SLIT2: variants seen among roughly 807,000 people sequenced by gnomAD.
SLIT2 encodes slit guidance ligand 2.
Under a neutral mutation model 185.7 loss-of-function variants are expected in SLIT2, and 41 were observed. The observed-to-expected ratio is 0.22, with a 90% confidence interval of 0.17 to 0.29. The LOEUF (loss-of-function observed/expected upper bound fraction) is 0.29, where lower values mean the gene tolerates loss of function less well. SLIT2 is among the 10% of genes least tolerant of loss of function. SLIT2 has a pLI of 1.00. For synonymous variants in SLIT2, 693 were observed against 680.2 expected (o/e 1.02, Z -0.29); for missense variants, 1,571 against 1,909.0 (o/e 0.82, Z 3.30).
At chr4:20,387,781 A>G (rs559489213) in intron 4 of SLIT2, among the ~76,000 whole-genome samples, 1 of 152,200 alleles carries the variant, frequency 6.6e-6, no homozygotes, top group South Asian at 2.1e-4. Context: ...CGTATAACTG[A>G]ATTCTGCCAA....
intron 4 of SLIT2, among the ~76,000 whole-genome samples, chr4:20,373,869 G>A (rs758731401): frequency 1.3e-5 from 2 of 152,026 alleles, no homozygotes; most frequent in African/African-American, 2.4e-5. Flanking sequence ...CAAGAAGCAG[G>A]AGTTAGCTTG....
intron 13 of SLIT2, 53 bp from the exon 14 acceptor site, chr4:20,523,961 A>G: frequency 1.2e-6 from 2 of 1,611,730 alleles, no homozygotes; most frequent in Non-Finnish European, 1.7e-6. Flanking sequence ...TGAATGTAAG[A>G]GCTGAGTCCA....
rs772893985 is a variant in SLIT2, at chr4:20,533,731, T to G, written c.1832+16T>G. ...TCAAAACTTTGTAAGTATTTGTACT[T>G]GCATTGCAGTTCTTCTACCAAAGGA... is the stretch of plus-strand genomic sequence containing the variant. On this transcript the variant is annotated intron_variant, in intron 18 of 36. Coordinates refer to ENST00000504154, the MANE Select transcript of SLIT2 (RefSeq NM_004787.4). 6.2e-7 allele frequency: 1 copy of G among 1,602,386 alleles called. No individual in the cohort carries two copies. Among genetic ancestry groups the G allele is most frequent in the Non-Finnish European group, 8.5e-7 (1 of 1,174,446 alleles).
At chr4:20,494,441 C>T (rs1718045925) in intron 9 of SLIT2, among the ~76,000 whole-genome samples, 1 of 152,136 alleles carries the variant, frequency 6.6e-6, no homozygotes. Flanking sequence ...TGACAGTGAA[C>T]TCAATTTGTG....
At chr4:20,371,082 A>C (rs1723533642) in intron 4 of SLIT2, among the ~76,000 whole-genome samples, 1 of 151,996 alleles carries the variant, frequency 6.6e-6, no homozygotes, top group East Asian at 1.9e-4. Context: ...TAGTTGGGTC[A>C]CTTCTTGGGA....
intron 8 of SLIT2, among the ~76,000 whole-genome samples, chr4:20,489,671 C>T (rs1209814105): frequency 6.6e-6 from 1 of 152,164 alleles, no homozygotes; most frequent in Non-Finnish European, 1.5e-5. Context: ...GTAATTCTAG[C>T]TACTTGGGAG....
chr4:20,363,012 A>G (rs1338290821), intron 4 of SLIT2, among the ~76,000 whole-genome samples: 1 of 152,114 alleles, frequency 6.6e-6, no homozygotes, highest in Non-Finnish European at 1.5e-5. Flanking sequence ...TGAGACTGAA[A>G]CAATAAGAGC....
At chr4:20,510,991 C>G in intron 10 of SLIT2, 75 bp from the exon 11 acceptor site, 3 of 892,854 alleles carry the variant, frequency 3.4e-6, no homozygotes, top group Non-Finnish European at 5.6e-6. Flanking sequence ...CATTTAAAAG[C>G]CATACATAGC....
chr4:20,258,831 C>T (rs1712138032), intron 3 of SLIT2, among the ~76,000 whole-genome samples: 1 of 151,484 alleles, frequency 6.6e-6, no homozygotes, highest in African/African-American at 2.4e-5. Context: ...TTCATGCCTG[C>T]CTTAATAGTC....
chr4:20,491,966 G>C, intron 9 of SLIT2, 67 bp downstream of exon 9: 1 of 1,534,486 alleles, frequency 6.5e-7, no homozygotes, highest in Non-Finnish European at 8.9e-7. Context: ...TTTTCTTTGG[G>C]AAATTCTGAG....
chr4:20,482,762 A>T (rs1030586182), intron 6 of SLIT2, among the ~76,000 whole-genome samples: 64 of 152,104 alleles, frequency 4.2e-4, no homozygotes, highest in African/African-American at 1.4e-3. Flanking sequence ...AAGACAATGT[A>T]AATTTCTTCT....
chr4:20,538,609 G>C (rs891486967), intron 18 of SLIT2, among the ~76,000 whole-genome samples: 2 of 151,794 alleles, frequency 1.3e-5, no homozygotes, highest in Non-Finnish European at 1.5e-5. Flanking sequence ...TTCTGAATAC[G>C]ATTTATGGCA....
In SLIT2 at chr4:20,595,931, C is replaced by A. The variant is rs150857732; in HGVS notation, c.3320+97C>A. The A allele has an allele frequency of 1.5e-4, 159 of 1,050,268 alleles. No individual in the cohort carries two copies. The East Asian group carries it at 3.9e-3, about 26-fold the overall frequency. 65.1% of individuals were successfully genotyped at this position (1,050,268 alleles called of 1,614,324 possible). On this transcript the variant is annotated intron_variant, in intron 31 of 36. Transcript: ENST00000504154. ...AGTGTAATCGTACATTTTAAAATAACTAAAAGAGTATAACTGGATTGTTTG... is the reference window on the plus strand; with the variant it reads ...AGTGTAATCGTACATTTTAAAATAAATAAAAGAGTATAACTGGATTGTTTG...
intron 4 of SLIT2, among the ~76,000 whole-genome samples, chr4:20,377,198 T>C (rs557648003): frequency 1.3e-5 from 2 of 152,074 alleles, no homozygotes; most frequent in South Asian, 4.2e-4. Context: ...CTTGAGAAAA[T>C]TGGTAATAAA....
chr4:20,555,003 C>A (rs1724122584), intron 26 of SLIT2, among the ~76,000 whole-genome samples: 1 of 152,066 alleles, frequency 6.6e-6, no homozygotes, highest in East Asian at 1.9e-4. Flanking sequence ...CTCCTGACCT[C>A]ATGATCCACA....
In SLIT2 at chr4:20,277,927, G is replaced by C. The variant is rs1044469593; in HGVS notation, c.395+9046G>C. On this transcript the variant is annotated intron_variant, in intron 4 of 36. Coordinates refer to ENST00000504154, the MANE Select transcript of SLIT2 (RefSeq NM_004787.4). Reference sequence around the variant, plus strand: ...CAGTTAACCAAAAAGGAATGGTCTTGAGGCAGAGTGATAACATTTGGAAGA... The same window carrying C: ...CAGTTAACCAAAAAGGAATGGTCTTCAGGCAGAGTGATAACATTTGGAAGA... 7.2e-5 allele frequency among the ~76,000 whole-genome samples: 11 copies of C among 151,892 alleles called. No homozygotes were observed. The South Asian group carries it at 1.5e-3, about 20-fold the overall frequency.
chr4:20,372,738 TCA>T (rs1723696920), intron 4 of SLIT2, among the ~76,000 whole-genome samples: 1 of 152,024 alleles, frequency 6.6e-6, no homozygotes, highest in African/African-American at 2.4e-5. Context: ...TTAAGCCCAC[TCA>T]CAGCTTCAAG....
At chr4:20,257,964 A>G in intron 3 of SLIT2, 25 bp downstream of exon 3, 2 of 1,088,948 alleles carry the variant, frequency 1.8e-6, no homozygotes, top group Non-Finnish European at 2.8e-6. Flanking sequence ...TTCCAAAGTT[A>G]TGACAACATA....
intron 4 of SLIT2, among the ~76,000 whole-genome samples, chr4:20,328,250 C>A (rs1415012957): frequency 6.6e-6 from 1 of 152,006 alleles, no homozygotes; most frequent in Admixed American, 6.6e-5. Flanking sequence ...ATTATTCAAA[C>A]AAGTAATTTG....
Sources: allele counts gnomAD v4.1 joint callset (sites outside exome capture counted in the v4.1 genomes callset), GRCh38; gene constraint gnomAD v4.1.1; transcripts MANE v1.5; gene names NCBI Gene and HGNC (gene_info 2026-07-23, HGNC 2026-07-21).